The following UBA6 variants were observed in gnomAD, a reference collection of about 807,000 sequenced individuals.
UBA6 encodes ubiquitin-like modifier-activating enzyme 6.
In UBA6, 87 loss-of-function variants were observed where a neutral mutation model predicts 148.3. The ratio of observed to expected loss-of-function variants is 0.59; its 90% confidence interval spans 0.49 to 0.70. UBA6 has a LOEUF of 0.70. Among genes scored for constraint, UBA6 ranks in the 30% least tolerant of loss-of-function variants. The pLI is 0.00. For synonymous variants in UBA6, 376 were observed against 401.0 expected (o/e 0.94, Z 0.75); for missense variants, 1,186 against 1,241.2 (o/e 0.96, Z 0.67).
chr4:67,676,461 C>A (rs1163792783), intron 6 of UBA6, among the ~76,000 whole-genome samples: 1 of 152,130 alleles, frequency 6.6e-6, no homozygotes, highest in African/African-American at 2.4e-5. Context: ...ACTTTTCATC[C>A]AGAGCTTAAG....
At chr4:67,694,203 A>C (rs1730769732) in intron 2 of UBA6, among the ~76,000 whole-genome samples, 1 of 128,344 alleles carries the variant, frequency 7.8e-6, no homozygotes. Context: ...ATGACAGAGC[A>C]AGACTCCATC....
intron 1 of UBA6, among the ~76,000 whole-genome samples, chr4:67,697,249 C>A (rs1262004214): frequency 1.3e-5 from 2 of 152,230 alleles, no homozygotes; most frequent in Non-Finnish European, 2.9e-5. Flanking sequence ...AAGAGATCCA[C>A]CCGCCTCAGC....
chr4:67,665,600 TATAATA>T (rs945179012), intron 9 of UBA6, among the ~76,000 whole-genome samples: 5 of 151,692 alleles, frequency 3.3e-5, no homozygotes, highest in South Asian at 2.1e-4. Flanking sequence ...GCCTCAATAA[TATAATA>T]ATAACTACCT....
At chr4:67,650,712 GA>G (rs1729534373) in intron 13 of UBA6, among the ~76,000 whole-genome samples, 1 of 152,138 alleles carries the variant, frequency 6.6e-6, no homozygotes, top group African/African-American at 2.4e-5. Flanking sequence ...GATCACAGAA[GA>G]GAGTGAAAGG....
intron 6 of UBA6, 108 bp downstream of exon 6, chr4:67,677,503 T>G (rs75698186): frequency 0.015 from 7,799 of 503,474 alleles, 91 homozygotes; most frequent in Non-Finnish European, 0.022. Flanking sequence ...TTGAAATTTT[T>G]TTGTTCTGTT....
chr4:67,678,537 CAAAAAAG>C lies in UBA6; in HGVS notation c.259-11_259-5del. 2 of 1,567,340 alleles carry C rather than the reference CAAAAAAG, an allele frequency of 1.3e-6. No individual in the cohort carries two copies. The highest frequency in any genetic ancestry group is 1.7e-6 in the Non-Finnish European group (2 of 1,151,686). On this transcript the variant is annotated splice_polypyrimidine_tract_variant and splice_region_variant and intron_variant, in intron 4 of 32. Transcript: ENST00000322244. ...CTGTATCATGAATTGTAACTGCCTTCAAAAAAGAAAAAAGTATTGGTTGAAGTCAGGA... is the reference window on the plus strand; with the variant it reads ...CTGTATCATGAATTGTAACTGCCTTCAAAAAAGTATTGGTTGAAGTCAGGA...
chr4:67,668,518 G>A (rs1384853156), intron 9 of UBA6, 33 bp downstream of exon 9: 3 of 1,586,804 alleles, frequency 1.9e-6, no homozygotes, highest in Non-Finnish European at 2.6e-6. Flanking sequence ...TGCTGAATAA[G>A]TATAAATGAA....
chr4:67,624,949 G>A (rs774995357), intron 29 of UBA6, 45 bp downstream of exon 29: 1 of 1,514,068 alleles, frequency 6.6e-7, no homozygotes. Context: ...TCAGGGAAGA[G>A]GCAATGAAAA....
intron 28 of UBA6, 64 bp downstream of exon 28, chr4:67,626,296 G>T: frequency 1.1e-6 from 1 of 916,046 alleles, no homozygotes; most frequent in Non-Finnish European, 1.8e-6. Flanking sequence ...ATTCTTAGGT[G>T]TAGAGCTTAG....
chr4:67,645,515 C>T (rs1729401986), intron 16 of UBA6, among the ~76,000 whole-genome samples: 1 of 151,902 alleles, frequency 6.6e-6, no homozygotes, highest in Non-Finnish European at 1.5e-5. Context: ...AAGAGAATCA[C>T]TTGAACCAGA....
chr4:67,640,258 T>C lies in UBA6; in HGVS notation c.1554+893A>G, dbSNP rs117458449. Among the ~76,000 whole-genome samples, 61 of 152,338 alleles carry C rather than the reference T, an allele frequency of 4.0e-4. No homozygotes were observed. In the East Asian group the frequency reaches 0.012, roughly 29 times the overall value. Reference sequence around the variant, plus strand: ...CAGGACTTTATAGTTCTTCTCTAAGTAAAATGCACCAAGTTAAGCAAATAC... The same window carrying C: ...CAGGACTTTATAGTTCTTCTCTAAGCAAAATGCACCAAGTTAAGCAAATAC... On this transcript the variant is annotated intron_variant, in intron 18 of 32. Transcript: ENST00000322244.
At chr4:67,662,081 T>C in intron 13 of UBA6, 108 bp downstream of exon 13, 5 of 1,054,414 alleles carry the variant, frequency 4.7e-6, no homozygotes, top group Non-Finnish European at 7.1e-6. Context: ...AGTTGTCTAA[T>C]GCCACAGAGT....
chr4:67,682,015 G>A, intron 3 of UBA6, 104 bp downstream of exon 3: 1 of 811,360 alleles, frequency 1.2e-6, no homozygotes, highest in Non-Finnish European at 2.0e-6. Flanking sequence ...CAACATTTTG[G>A]ATCTAACTTC....
chr4:67,698,592 G>A (rs1730895880), intron 1 of UBA6, among the ~76,000 whole-genome samples: 1 of 152,116 alleles, frequency 6.6e-6, no homozygotes, highest in South Asian at 2.1e-4. Flanking sequence ...CTGAACCCAG[G>A]CAGTCTAGCT....
intron 2 of UBA6, among the ~76,000 whole-genome samples, chr4:67,683,627 T>C (rs1387068656): frequency 1.3e-5 from 2 of 152,026 alleles, no homozygotes; most frequent in Non-Finnish European, 2.9e-5. Flanking sequence ...ATTCTATGTG[T>C]GGTCCAAGAC....
intron 13 of UBA6, among the ~76,000 whole-genome samples, chr4:67,650,943 ACAC>A (rs1729540683): frequency 6.6e-6 from 1 of 152,144 alleles, no homozygotes; most frequent in South Asian, 2.1e-4. Context: ...CCTACAAAAC[ACAC>A]CAATACCTCT....
chr4:67,699,445 T>C (rs1184936794), intron 1 of UBA6, among the ~76,000 whole-genome samples: 1 of 152,170 alleles, frequency 6.6e-6, no homozygotes, highest in Non-Finnish European at 1.5e-5. Flanking sequence ...TTCTAGCTAA[T>C]TAAACGGATA....
intron 2 of UBA6, among the ~76,000 whole-genome samples, chr4:67,684,837 T>C (rs752087063): frequency 6.6e-6 from 1 of 152,242 alleles, no homozygotes; most frequent in Non-Finnish European, 1.5e-5. Flanking sequence ...GTTTTTACTA[T>C]GCACCACATG....
chr4:67,662,006 A>G, intron 13 of UBA6, 183 bp downstream of exon 13: 1 of 513,938 alleles, frequency 1.9e-6, no homozygotes, highest in Non-Finnish European at 3.4e-6. Context: ...GTTCACAATA[A>G]CCCTATGAAG....
Sources: allele counts gnomAD v4.1 joint callset (sites outside exome capture counted in the v4.1 genomes callset), GRCh38; gene constraint gnomAD v4.1.1; transcripts MANE v1.5; gene names NCBI Gene and HGNC (gene_info 2026-07-23, HGNC 2026-07-21).